STAU2: variants seen among roughly 807,000 people sequenced by gnomAD.
The protein encoded by STAU2 is staufen double-stranded RNA binding protein 2.
Under a neutral mutation model 65.9 loss-of-function variants are expected in STAU2, and 20 were observed. The observed-to-expected ratio is 0.30, with a 90% confidence interval of 0.21 to 0.44. The LOEUF (loss-of-function observed/expected upper bound fraction) is 0.44, where lower values mean the gene tolerates loss of function less well. STAU2 is among the 20% of genes least tolerant of loss of function. The probability of loss-of-function intolerance (pLI) is 1.00; values close to 1 mark genes in which losing one functional copy is unlikely to be tolerated. For synonymous variants in STAU2, 232 were observed against 233.9 expected, an observed-to-expected ratio of 0.99 and a Z score of 0.07; for missense variants, 558 against 683.9, an observed-to-expected ratio of 0.82 and a Z score of 2.05.
At chr8:73,579,921 A>G (rs914149806) in intron 12 of STAU2, among the ~76,000 whole-genome samples, 1 of 152,236 alleles carries the variant, frequency 6.6e-6, no homozygotes, top group Non-Finnish European at 1.5e-5. Context: ...TGTAATTGTT[A>G]GCAGTTTCCT....
chr8:73,579,043 T>C (rs961732928), intron 12 of STAU2, among the ~76,000 whole-genome samples: 4 of 146,346 alleles, frequency 2.7e-5, no homozygotes, highest in Non-Finnish European at 4.5e-5. Flanking sequence ...ACATAGCATT[T>C]GGGAAACCAG....
intron 6 of STAU2, among the ~76,000 whole-genome samples, chr8:73,659,921 AACTT>A (rs1321436017): frequency 6.6e-6 from 1 of 152,150 alleles, no homozygotes; most frequent in African/African-American, 2.4e-5. Flanking sequence ...AGGGGAGAAA[AACTT>A]ACGGTAATTA....
At chr8:73,555,256 T>G (rs1223795239) in intron 12 of STAU2, among the ~76,000 whole-genome samples, 2 of 152,086 alleles carry the variant, frequency 1.3e-5, no homozygotes, top group Non-Finnish European at 2.9e-5. Flanking sequence ...TGAGAGCAGA[T>G]GGCCAGCAGG....
rs138054168 is a variant in STAU2, at chr8:73,556,777, C to T, written c.1223-4458G>A. Among the ~76,000 whole-genome samples the T allele has an allele frequency of 5.3e-4, 81 of 152,172 alleles. No homozygotes were observed. The East Asian group carries it at 7.5e-3, about 14-fold the overall frequency. On this transcript the variant is annotated intron_variant, in intron 12 of 14. Transcript: ENST00000524300. Reference sequence around the variant, plus strand: ...AATCTTTGCCAGTTATCAACAGTAACAGAAAGCAGGTCAGTGGTTGTCTGG... The same window carrying T: ...AATCTTTGCCAGTTATCAACAGTAATAGAAAGCAGGTCAGTGGTTGTCTGG...
chr8:73,714,386 C>T (rs1821103757), intron 3 of STAU2, among the ~76,000 whole-genome samples: 1 of 152,128 alleles, frequency 6.6e-6, no homozygotes, highest in African/African-American at 2.4e-5. Context: ...TTAACTAAAA[C>T]AAACCCTCTA....
intron 6 of STAU2, among the ~76,000 whole-genome samples, chr8:73,627,999 G>C (rs1813815497): frequency 1.3e-5 from 2 of 152,004 alleles, no homozygotes; most frequent in Non-Finnish European, 2.9e-5. Context: ...TCTGTGTACT[G>C]AGGGACAATT....
At chr8:73,538,759 A>G (rs1412019910) in intron 13 of STAU2, among the ~76,000 whole-genome samples, 1 of 152,152 alleles carries the variant, frequency 6.6e-6, no homozygotes, top group Non-Finnish European at 1.5e-5. Flanking sequence ...AGAAACATCA[A>G]TACTTGCTAC....
intron 10 of STAU2, among the ~76,000 whole-genome samples, chr8:73,597,086 A>G (rs1176381836): frequency 6.6e-6 from 1 of 152,142 alleles, no homozygotes; most frequent in Admixed American, 6.5e-5. Context: ...AGTCCCAAAC[A>G]TATCAGCAAA....
At position 73,688,930 on chromosome 8, in the gene STAU2, T is replaced by A. The variant is rs571957897; in HGVS notation, c.115-117A>T. The A allele has an allele frequency of 2.6e-6, 3 of 1,153,470 alleles. No homozygotes were observed. The African/African-American group carries it at 4.6e-5, about 18-fold the overall frequency. The allele number at this position is 1,153,470 out of a possible 1,614,324, so 71.5% of individuals were successfully genotyped here. ...AGAATTTTAGAGCTAGAGGTGACCT[T>A]ACCTACAGATCATCTGCAACAAAAT... On this transcript the variant is annotated intron_variant, in intron 4 of 14. Coordinates refer to ENST00000524300, the MANE Select transcript of STAU2 (RefSeq NM_001164380.2).
At chr8:73,479,472 G>GCGCACACACACACACACACACA (rs1554595263) in intron 13 of STAU2, among the ~76,000 whole-genome samples, 1 of 139,952 alleles carries the variant, frequency 7.1e-6, no homozygotes, top group Middle Eastern at 3.5e-3. Flanking sequence ...TCCCTATTCT[G>GCGCACACACACACACACACACA]CACACACACA....
chr8:73,632,388 T>C (rs929241306), intron 6 of STAU2, among the ~76,000 whole-genome samples: 5 of 152,180 alleles, frequency 3.3e-5, no homozygotes, highest in Admixed American at 6.5e-5. Context: ...GTTCCTTAAG[T>C]ATTTGAGGAA....
chr8:73,662,847 C>T (rs1384263820), intron 6 of STAU2, among the ~76,000 whole-genome samples: 1 of 151,986 alleles, frequency 6.6e-6, no homozygotes, highest in African/African-American at 2.4e-5. Context: ...AACTCCTGAC[C>T]TCAGGTAATC....
At chr8:73,488,603 C>T (rs997150697) in intron 13 of STAU2, among the ~76,000 whole-genome samples, 3 of 151,480 alleles carry the variant, frequency 2.0e-5, no homozygotes, top group Non-Finnish European at 4.4e-5. Context: ...ATGAAAGATT[C>T]AGTTACTTAA....
intron 13 of STAU2, chr8:73,550,470 T>C: frequency 4.1e-6 from 4 of 985,916 alleles, no homozygotes; most frequent in Non-Finnish European, 4.8e-6. Flanking sequence ...TGAATGCAAT[T>C]TGTGCTTTGT....
At chr8:73,727,535 G>C (rs1318504641) in intron 3 of STAU2, among the ~76,000 whole-genome samples, 1 of 152,206 alleles carries the variant, frequency 6.6e-6, no homozygotes, top group Non-Finnish European at 1.5e-5. Context: ...CTGCATCGTA[G>C]CATGTATCTG....
chr8:73,699,934 T>A (rs1287617222), intron 4 of STAU2, among the ~76,000 whole-genome samples: 1 of 144,420 alleles, frequency 6.9e-6, no homozygotes, highest in Non-Finnish European at 1.5e-5. Context: ...AACAAAATAC[T>A]AGCAAACCTA....
chr8:73,555,118 G>T (rs1019604085), intron 12 of STAU2, among the ~76,000 whole-genome samples: 6 of 152,206 alleles, frequency 3.9e-5, no homozygotes, highest in Non-Finnish European at 8.8e-5. Flanking sequence ...GGTCTCACTA[G>T]AGACAGGTGT....
At chr8:73,690,864 T>C (rs887318049) in intron 4 of STAU2, among the ~76,000 whole-genome samples, 1 of 152,326 alleles carries the variant, frequency 6.6e-6, no homozygotes, top group Non-Finnish European at 1.5e-5. Context: ...GTTTAAAATA[T>C]ATACCTAAAA....
intron 9 of STAU2, among the ~76,000 whole-genome samples, chr8:73,605,666 G>A (rs1811955769): frequency 6.6e-6 from 1 of 151,510 alleles, no homozygotes; most frequent in South Asian, 2.1e-4. Context: ...ATATGGAAAT[G>A]CAAAGGACAA....
Sources: gnomAD v4.1 joint callset for allele counts (sites outside exome capture counted in the v4.1 genomes callset) on GRCh38, gnomAD v4.1.1 for gene constraint, MANE v1.5 for transcripts, NCBI Gene and HGNC (gene_info 2026-07-23, HGNC 2026-07-21) for gene names.